Variants in NRG3 observed in about 807,000 individuals in gnomAD.
NRG3 encodes the protein pro-neuregulin-3, membrane-bound isoform.
NRG3 carries 31 observed loss-of-function variants against 66.9 expected under a neutral mutation model. The ratio of observed to expected loss-of-function variants is 0.46; its 90% CI spans 0.35 to 0.63. The LOEUF (loss-of-function observed/expected upper bound fraction) is 0.63, where lower values mean the gene tolerates loss of function less well. NRG3 is among the 20% of genes least tolerant of loss of function. The pLI is 0.00. For missense variants in NRG3, 910 were observed against 878.9 expected (o/e 1.04, Z -0.45); for synonymous variants, 393 against 359.4 (o/e 1.09, Z -1.06).
chr10:82,863,502 C>T (rs1033969429), intron 3 of NRG3, among the ~76,000 whole-genome samples: 76 of 152,174 alleles, frequency 5.0e-4, no homozygotes, highest in Admixed American at 1.6e-3. Context: ...CCTATTTCTC[C>T]ACGTCCTCTC....
chr10:82,647,502 T>C (rs2051038623), intron 2 of NRG3, among the ~76,000 whole-genome samples: 1 of 152,232 alleles, frequency 6.6e-6, no homozygotes, highest in African/African-American at 2.4e-5. Context: ...TGATTTATAG[T>C]CCTTTGGGTA....
chr10:82,286,585 A>G (rs1258266226), intron 1 of NRG3, among the ~76,000 whole-genome samples: 5 of 151,958 alleles, frequency 3.3e-5, no homozygotes, highest in Non-Finnish European at 7.4e-5. Flanking sequence ...ATTTATTTTT[A>G]TTTACTTATT....
intron 2 of NRG3, among the ~76,000 whole-genome samples, chr10:82,611,374 C>T (rs2048302107): frequency 6.6e-6 from 1 of 151,948 alleles, no homozygotes; most frequent in African/African-American, 2.4e-5. Flanking sequence ...CCCATCAACT[C>T]GTCATTTACA....
At chr10:82,358,709 C>CA in intron 1 of NRG3, 30 bp from the exon 2 acceptor site, 2 of 1,613,658 alleles carry the variant, frequency 1.2e-6, no homozygotes, top group Non-Finnish European at 1.7e-6. Flanking sequence ...GTACTGCTGA[C>CA]AGCGTTTCCC....
intron 2 of NRG3, among the ~76,000 whole-genome samples, chr10:82,404,091 C>T (rs1028383346): frequency 3.9e-5 from 6 of 152,118 alleles, no homozygotes; most frequent in African/African-American, 1.4e-4. Context: ...AGACTGTTTG[C>T]TTTCTGACAT....
intron 2 of NRG3, among the ~76,000 whole-genome samples, chr10:82,627,416 C>T (rs1190772498): frequency 6.6e-6 from 1 of 151,924 alleles, no homozygotes; most frequent in South Asian, 2.1e-4. Context: ...ATGCAGTCAA[C>T]AGCATGAAGA....
chr10:82,484,736 G>A (rs1194566275), intron 2 of NRG3, among the ~76,000 whole-genome samples: 1 of 152,168 alleles, frequency 6.6e-6, no homozygotes, highest in Admixed American at 6.6e-5. Flanking sequence ...TGAAGATCTT[G>A]TCAGGAGAGC....
At chr10:82,204,943 C>G (rs2075043865) in intron 1 of NRG3, among the ~76,000 whole-genome samples, 3 of 152,184 alleles carry the variant, frequency 2.0e-5, no homozygotes. Context: ...GAAGACATTG[C>G]TGCCTATATG....
chr10:82,743,511 G>A (rs1267886071), intron 3 of NRG3, among the ~76,000 whole-genome samples: 1 of 152,140 alleles, frequency 6.6e-6, no homozygotes, highest in Non-Finnish European at 1.5e-5. Flanking sequence ...CTTCGGTAGA[G>A]TGTGTTCTAG....
rs139894352 is a variant in NRG3 at position 82,234,543 on chromosome 10, G to A, written c.824-124196G>A. 1.3e-3 allele frequency among the ~76,000 whole-genome samples: 197 copies of A among 152,244 alleles called. 4 individuals carry two copies. The East Asian group carries it at 0.035, about 27-fold the overall frequency. On this transcript the variant is annotated intron_variant, in intron 1 of 8. Coordinates refer to ENST00000372141, the MANE Select transcript of NRG3 (RefSeq NM_001010848.4). The stretch of plus-strand genomic sequence containing the variant: ...TCAATCACAGAGTAATAACATTATA[G>A]GCAATCAAGGGTAGACACATGCAGG...
At chr10:82,118,699 GTATT>G (rs2067883735) in intron 1 of NRG3, among the ~76,000 whole-genome samples, 1 of 152,020 alleles carries the variant, frequency 6.6e-6, no homozygotes, top group African/African-American at 2.4e-5. Context: ...GGGATAATGT[GTATT>G]GTTAATGCTG....
chr10:82,720,730 C>G (rs2057245696), intron 2 of NRG3, among the ~76,000 whole-genome samples: 1 of 149,996 alleles, frequency 6.7e-6, no homozygotes, highest in South Asian at 2.1e-4. Context: ...TATTCCTCAG[C>G]AAGATGTAGA....
intron 2 of NRG3, among the ~76,000 whole-genome samples, chr10:82,504,185 T>G (rs1352447710): frequency 6.6e-6 from 1 of 152,194 alleles, no homozygotes; most frequent in African/African-American, 2.4e-5. Context: ...TCTGTGCCCT[T>G]CATGAATGAT....
chr10:82,361,829 C>CTTA (rs1564839147), intron 2 of NRG3, among the ~76,000 whole-genome samples: 1 of 151,902 alleles, frequency 6.6e-6, no homozygotes, highest in African/African-American at 2.4e-5. Context: ...AATATAAAGG[C>CTTA]TTATGCATGA....
At chr10:82,959,478 AGATAGTTGTT>A (rs1850395157) in intron 6 of NRG3, among the ~76,000 whole-genome samples, 1 of 152,090 alleles carries the variant, frequency 6.6e-6, no homozygotes, top group Non-Finnish European at 1.5e-5. Flanking sequence ...GTGAGTTCCG[AGATAGTTGTT>A]GTTGCAGCAG....
chr10:82,002,171 A>G (rs1427081111), intron 1 of NRG3, among the ~76,000 whole-genome samples: 1 of 152,192 alleles, frequency 6.6e-6, no homozygotes, highest in African/African-American at 2.4e-5. Context: ...CATTGACCCC[A>G]GAATTATTTC....
chr10:82,408,119 GAAA>G (rs2087741091), intron 2 of NRG3, among the ~76,000 whole-genome samples: 2 of 141,016 alleles, frequency 1.4e-5, no homozygotes, highest in Non-Finnish European at 3.1e-5. Flanking sequence ...AAGAAAGAAA[GAAA>G]GAAAGAAAGA....
chr10:82,723,987 AGT>A lies in NRG3; in HGVS notation c.954-14589_954-14588del, dbSNP rs1565242381. ...AGAGCGAGACTCCATCTCAAAAAAAAGTAAATAAATAAAAAAAATTTAAAAAA... is the reference window on the plus strand; with the variant it reads ...AGAGCGAGACTCCATCTCAAAAAAAAAAATAAATAAAAAAAATTTAAAAAA... On this transcript the variant is annotated intron_variant, in intron 2 of 8. Transcript: ENST00000372141. Among the ~76,000 whole-genome samples the A allele has an allele frequency of 9.1e-4, 138 of 151,716 alleles. 3 individuals are homozygous for A. Among genetic ancestry groups the A allele is most frequent in the African/African-American group, 3.2e-3 (130 of 41,132 alleles).
intron 4 of NRG3, among the ~76,000 whole-genome samples, chr10:82,881,749 C>T (rs1397606408): frequency 6.6e-6 from 1 of 152,094 alleles, no homozygotes; most frequent in Non-Finnish European, 1.5e-5. Flanking sequence ...TATCAATGTC[C>T]ACCGCTGATG....
Sources: allele counts gnomAD v4.1 joint callset (sites outside exome capture counted in the v4.1 genomes callset), GRCh38; gene constraint gnomAD v4.1.1; transcripts MANE v1.5; gene names NCBI Gene and HGNC (gene_info 2026-07-23, HGNC 2026-07-21).